Variants in AK4 observed in about 807,000 individuals in gnomAD.
The protein encoded by AK4 is adenylate kinase 4, also known as adenylate kinase 4, mitochondrial.
In AK4, 13 loss-of-function variants were observed where a neutral mutation model predicts 24.6. The ratio of observed to expected loss-of-function variants is 0.53; its 90% CI spans 0.34 to 0.84. The LOEUF (loss-of-function observed/expected upper bound fraction) is 0.84, where lower values mean the gene tolerates loss of function less well. Among genes scored for constraint, AK4 ranks in the 40% least tolerant of loss-of-function variants. AK4 has a pLI of 0.01. For missense variants in AK4, 192 were observed against 288.2 expected (o/e 0.67, Z 2.42); for synonymous variants, 88 against 107.0 (o/e 0.82, Z 1.10).
chr1:65,174,864 A>C (rs1291698434), intron 1 of AK4, among the ~76,000 whole-genome samples: 2 of 152,228 alleles, frequency 1.3e-5, no homozygotes, highest in Non-Finnish European at 2.9e-5. Context: ...TTGTTGTAAG[A>C]ATTAATTGAG....
chr1:65,216,387 G>A (rs1194024234), intron 2 of AK4, among the ~76,000 whole-genome samples: 1 of 152,090 alleles, frequency 6.6e-6, no homozygotes, highest in Non-Finnish European at 1.5e-5. Context: ...GCTTCCCAAA[G>A]TGCTGGGATT....
chr1:65,148,878 C>T, intron 1 of AK4: 1 of 219,262 alleles, frequency 4.6e-6, no homozygotes. Flanking sequence ...ACGCTGCCCT[C>T]CTTAAGGCAG....
At chr1:65,179,274 A>G (rs1246794721) in intron 1 of AK4, among the ~76,000 whole-genome samples, 1 of 152,188 alleles carries the variant, frequency 6.6e-6, no homozygotes, top group Non-Finnish European at 1.5e-5. Flanking sequence ...TGCTAGTGTC[A>G]TATTTCAGCA....
chr1:65,157,471 G>A (rs1433637034), intron 1 of AK4, among the ~76,000 whole-genome samples: 8 of 152,076 alleles, frequency 5.3e-5, no homozygotes, highest in Admixed American at 4.6e-4. Flanking sequence ...AGTCAGACAG[G>A]CAAGCAAACA....
chr1:65,208,064 A>G (rs1651863951), intron 2 of AK4, among the ~76,000 whole-genome samples: 1 of 152,186 alleles, frequency 6.6e-6, no homozygotes, highest in South Asian at 2.1e-4. Flanking sequence ...TGTATACCCA[A>G]TAATAGTTTT....
intron 1 of AK4, among the ~76,000 whole-genome samples, chr1:65,169,235 T>C (rs1650433612): frequency 6.6e-6 from 1 of 151,982 alleles, no homozygotes; most frequent in African/African-American, 2.4e-5. Flanking sequence ...GCCTAAATAT[T>C]GCAGGATATC....
intron 1 of AK4, among the ~76,000 whole-genome samples, chr1:65,170,950 CT>C (rs1265383561): frequency 0.011 from 1,431 of 133,938 alleles, 20 homozygotes; most frequent in African/African-American, 0.041. Flanking sequence ...GTCTTGTCTT[CT>C]TCCTTTTTTT....
intron 1 of AK4, among the ~76,000 whole-genome samples, chr1:65,180,826 G>T (rs1465613271): frequency 6.6e-6 from 1 of 152,136 alleles, no homozygotes; most frequent in Non-Finnish European, 1.5e-5. Flanking sequence ...GCGCACACAC[G>T]TGTGCACTGC....
At chr1:65,200,791 C>T (rs1475629200) in intron 2 of AK4, among the ~76,000 whole-genome samples, 1 of 147,052 alleles carries the variant, frequency 6.8e-6, no homozygotes, top group African/African-American at 2.5e-5. Context: ...GTGGTGTTTT[C>T]AGCTGGGTTT....
intron 1 of AK4, among the ~76,000 whole-genome samples, chr1:65,188,256 A>G (rs7515893): frequency 1 from 152,023 of 152,026 alleles, 76,010 homozygotes; most frequent in Non-Finnish European, 1. Context: ...TTAGTTGGGC[A>G]TGGTGGCGCA....
chr1:65,213,035 A>G (rs1652019830), intron 2 of AK4, among the ~76,000 whole-genome samples: 1 of 152,204 alleles, frequency 6.6e-6, no homozygotes, highest in Admixed American at 6.5e-5. Context: ...TGTCTTTGTG[A>G]ATGCTTCTAG....
intron 1 of AK4, among the ~76,000 whole-genome samples, chr1:65,171,405 T>G (rs1480047954): frequency 6.9e-6 from 1 of 145,768 alleles, no homozygotes; most frequent in Non-Finnish European, 1.5e-5. Context: ...ACCTCCCTGG[T>G]CAAGCGATTC....
intron 1 of AK4, among the ~76,000 whole-genome samples, chr1:65,189,273 A>G (rs1181834444): frequency 6.8e-6 from 1 of 147,788 alleles, no homozygotes; most frequent in Non-Finnish European, 1.5e-5. Context: ...TCTGTTGAGA[A>G]TGTGATTCTC....
At chr1:65,161,351 G>GTACC (rs1650152950) in intron 1 of AK4, among the ~76,000 whole-genome samples, 1 of 152,160 alleles carries the variant, frequency 6.6e-6, no homozygotes, top group East Asian at 1.9e-4. Flanking sequence ...TGTCTTTGAG[G>GTACC]TACCGACAGT....
At chr1:65,152,371 T>TAC (rs1649814323) in intron 1 of AK4, among the ~76,000 whole-genome samples, 1 of 83,948 alleles carries the variant, frequency 1.2e-5, no homozygotes, top group Non-Finnish European at 2.6e-5. Context: ...TATATATATA[T>TAC]ATATATATAT....
intron 2 of AK4, among the ~76,000 whole-genome samples, chr1:65,208,611 G>A (rs1190840095): frequency 6.6e-6 from 1 of 152,202 alleles, no homozygotes; most frequent in Non-Finnish European, 1.5e-5. Context: ...ATGGAGGTAG[G>A]AAGGGGGCTG....
At chr1:65,202,866 CTTT>C (rs34143736) in intron 2 of AK4, among the ~76,000 whole-genome samples, 10 of 91,822 alleles carry the variant, frequency 1.1e-4, no homozygotes, top group South Asian at 4.4e-4. Flanking sequence ...GCTGTGTAGT[CTTT>C]TTTTTTTTTT....
At chr1:65,149,808 T>G (rs867737511) in intron 1 of AK4, among the ~76,000 whole-genome samples, 1 of 152,242 alleles carries the variant, frequency 6.6e-6, no homozygotes, top group East Asian at 1.9e-4. Flanking sequence ...TGTACCAGAT[T>G]GCACTTGAGT....
chr1:65,154,843 A>T (rs1286914300), intron 1 of AK4, among the ~76,000 whole-genome samples: 1 of 142,970 alleles, frequency 7.0e-6, no homozygotes, highest in Non-Finnish European at 1.5e-5. Flanking sequence ...AACTTAAATC[A>T]TAGGGAGAAT....
Sources: gnomAD v4.1 joint callset for allele counts (sites outside exome capture counted in the v4.1 genomes callset) on GRCh38, gnomAD v4.1.1 for gene constraint, MANE v1.5 for transcripts, NCBI Gene and HGNC (gene_info 2026-07-23, HGNC 2026-07-21) for gene names.